Variants in SDR42E2 observed in about 807,000 individuals in gnomAD.
The protein encoded by SDR42E2 is short chain dehydrogenase/reductase family 42E, member 2.
Under a neutral mutation model 10.5 loss-of-function variants are expected in SDR42E2, and 20 were observed. That is an observed-to-expected ratio of 1.90 (90% CI 1.34 to 2.77). The LOEUF (loss-of-function observed/expected upper bound fraction) is 2.77. SDR42E2 is among the 30% of genes most tolerant of loss of function. The pLI is 0.00. For synonymous variants in SDR42E2, 72 were observed against 39.2 expected, an observed-to-expected ratio of 1.84 and a Z score of -3.12; for missense variants, 162 against 104.2, an observed-to-expected ratio of 1.55 and a Z score of -2.42.
At chr16:22,170,509 G>C (rs537797297) in intron 5 of SDR42E2, among the ~76,000 whole-genome samples, 1 of 152,162 alleles carries the variant, frequency 6.6e-6, no homozygotes, top group African/African-American at 2.4e-5. Flanking sequence ...TCCATCCAGT[G>C]AGACCTTCTT....
chr16:22,162,734 AC>A (rs1214623150), intron 1 of SDR42E2, among the ~76,000 whole-genome samples, 170 bp downstream of exon 1: 1 of 152,032 alleles, frequency 6.6e-6, no homozygotes, highest in East Asian at 1.9e-4. Flanking sequence ...CTTCCACCAA[AC>A]CCGCTTTTGG....
In SDR42E2 at chr16:22,190,235, G is replaced by A. The variant is rs2046762819; in HGVS notation, c.1111G>A (p.Glu371Lys). ...PDKFRFADAV[E>K]LYVQSTTRRP... ...TAAGTTTAGGTTCGCCGACGCCGTG[G>A]AGCTATACGTGCAGTCCACGACCCG... Residue 371 changes from glutamate to lysine, a missense_variant, in exon 13 of 13, where the codon GAG becomes AAG. Coordinates refer to ENST00000602312, the MANE Select transcript of SDR42E2 (RefSeq NM_001394319.2). 1 of 401,170 alleles carries A rather than the reference G, an allele frequency of 2.5e-6. No individual in the cohort carries two copies. 24.9% of individuals were successfully genotyped at this position (401,170 alleles called of 1,614,324 possible). A position where few individuals can be genotyped will look rare whatever the true frequency, so the allele number is the denominator to read the frequency against.
chr16:22,186,521 T>C (rs1255530312), intron 11 of SDR42E2, among the ~76,000 whole-genome samples, 200 bp from the exon 12 acceptor site: 1 of 152,210 alleles, frequency 6.6e-6, no homozygotes, highest in Non-Finnish European at 1.5e-5. Flanking sequence ...CATTTAATAT[T>C]AAAAACAAGT....
intron 12 of SDR42E2, among the ~76,000 whole-genome samples, chr16:22,189,299 T>C (rs2046755008): frequency 6.6e-6 from 1 of 151,972 alleles, no homozygotes. Context: ...GAGGAAGAAA[T>C]GAGTCAGGTG....
rs181868292 is a variant in SDR42E2, at chr16:22,166,381, C to A, written c.187C>A (p.Leu63Ile). 3.7e-5 allele frequency: 15 copies of A among 402,864 alleles called. No individual in the cohort carries two copies. The Admixed American group carries it at 6.6e-4, about 18-fold the overall frequency. The allele number at this position is 402,864 out of a possible 1,614,324, so 25.0% of individuals were successfully genotyped here. A position where few individuals can be genotyped will look rare whatever the true frequency, so the allele number is the denominator to read the frequency against. The change falls in exon 3 of 13, where the codon CTT becomes ATT. Residue 63 changes from leucine (L) to isoleucine (I), a missense_variant. Transcript: ENST00000602312. ...LAKSGTSVILLDRRRPQWELS... is the reference protein window; with the variant it reads ...LAKSGTSVILIDRRRPQWELS... ...CAAGAGCGGCACTTCCGTCATTCTG[C>A]TTGACCGCCGCAGACCCCAGTGGGA...
chr16:22,190,463 T>A lies in SDR42E2; in HGVS notation c.*70T>A, dbSNP rs1036706470. On this transcript the variant is annotated 3_prime_UTR_variant, in exon 13 of 13. Coordinates refer to ENST00000602312, the MANE Select transcript of SDR42E2 (RefSeq NM_001394319.2). ...TCGCCCACGCCCGGCTCCCTGGGCT[T>A]GTACCAGCCCCTGCCCCGCCTTCTG... is the stretch of plus-strand genomic sequence containing the variant. 7 of 400,366 alleles carry A rather than the reference T, an allele frequency of 1.7e-5. No individual in the cohort carries two copies. The highest frequency in any genetic ancestry group is 1.4e-4 in the African/African-American group (7 of 48,710). 24.8% of individuals were successfully genotyped at this position (400,366 alleles called of 1,614,324 possible).
At chr16:22,177,705 G>A (rs939840579) in intron 7 of SDR42E2, among the ~76,000 whole-genome samples, 3 of 152,112 alleles carry the variant, frequency 2.0e-5, no homozygotes, top group Admixed American at 6.6e-5. Flanking sequence ...ATGGGCATGA[G>A]GGCATGTGCA....
intron 7 of SDR42E2, among the ~76,000 whole-genome samples, chr16:22,173,905 G>GTATATATATATATATATATATATATATA (rs770541596): frequency 9.6e-5 from 11 of 115,006 alleles, no homozygotes; most frequent in Non-Finnish European, 1.4e-4. Flanking sequence ...ATGTGTGTGT[G>GTATATATATATATATATATATATATATA]TATATATATA....
Position 22,173,907 on chromosome 16 carries a change from A to G in SDR42E2, c.589+1576A>G, listed in dbSNP as rs753778699. Reference sequence around the variant, plus strand: ...GCTACGTATATATATGTGTGTGTGTATATATATATATATATATATATAGCT... The same window carrying G: ...GCTACGTATATATATGTGTGTGTGTGTATATATATATATATATATATAGCT... On this transcript the variant is annotated intron_variant, in intron 7 of 12. Coordinates refer to ENST00000602312, the MANE Select transcript of SDR42E2 (RefSeq NM_001394319.2). 1.3e-3 allele frequency among the ~76,000 whole-genome samples: 168 copies of G among 133,358 alleles called. 4 individuals carry two copies. Among genetic ancestry groups the G allele is most frequent in the Non-Finnish European group, 2.2e-3 (129 of 59,888 alleles). 87.5% of individuals were successfully genotyped at this position (133,358 alleles called of 152,430 possible). A position where few individuals can be genotyped will look rare whatever the true frequency, so the allele number is the denominator to read the frequency against.
At chr16:22,187,236 A>ATTCATATGCATATTCAT (rs2046742534) in intron 12 of SDR42E2, among the ~76,000 whole-genome samples, 2 of 152,154 alleles carry the variant, frequency 1.3e-5, no homozygotes. Context: ...AGTATATATT[A>ATTCATATGCATATTCAT]AGTACCTACT....
chr16:22,190,502 C>G lies in SDR42E2; in HGVS notation c.*109C>G. 1 of 399,736 alleles carries G rather than the reference C, an allele frequency of 2.5e-6. No homozygotes were observed. Among genetic ancestry groups the G allele is most frequent in the Non-Finnish European group, 4.4e-6 (1 of 226,688 alleles). The allele number at this position is 399,736 out of a possible 1,614,324, so 24.8% of individuals were successfully genotyped here. On this transcript the variant is annotated 3_prime_UTR_variant, in exon 13 of 13. Transcript: ENST00000602312. The stretch of plus-strand genomic sequence containing the variant: ...CCCCGCCTTCTGGGTTTGAGCGCGC[C>G]TCCGCTCCGCCCCTTGAATCCTGGT...
At chr16:22,164,797 T>C (rs2046521942) in intron 1 of SDR42E2, among the ~76,000 whole-genome samples, 1 of 152,042 alleles carries the variant, frequency 6.6e-6, no homozygotes, top group Non-Finnish European at 1.5e-5. Flanking sequence ...CCTCCTCCTC[T>C]TTCTCTTCCT....
chr16:22,162,836 G>A (rs1358259435), intron 1 of SDR42E2, among the ~76,000 whole-genome samples: 2 of 152,136 alleles, frequency 1.3e-5, no homozygotes, highest in African/African-American at 4.8e-5. Context: ...TCCACCTCTG[G>A]GTAATGGGAA....
rs373395945 is a variant in SDR42E2, at chr16:22,169,931, CT to C, written c.394+430del. ...CCTGCAGTCCCACCTACCTAGGAGGCTGAGGCAGGAGAATCGCTTGAATCTG... is the reference window on the plus strand; with the variant it reads ...CCTGCAGTCCCACCTACCTAGGAGGCGAGGCAGGAGAATCGCTTGAATCTG... On this transcript the variant is annotated intron_variant, in intron 5 of 12. Transcript: ENST00000602312. Among the ~76,000 whole-genome samples, 439 of 152,206 alleles carry C rather than the reference CT, an allele frequency of 2.9e-3. 20 individuals carry two copies. The South Asian group carries it at 0.083, about 29-fold the overall frequency.
At chr16:22,164,311 C>A (rs1415155431) in intron 1 of SDR42E2, among the ~76,000 whole-genome samples, 1 of 152,118 alleles carries the variant, frequency 6.6e-6, no homozygotes, top group African/African-American at 2.4e-5. Flanking sequence ...GTAATCCCAG[C>A]ACTTTGGGAG....
chr16:22,174,944 C>A (rs979353555), intron 7 of SDR42E2, among the ~76,000 whole-genome samples: 8 of 152,160 alleles, frequency 5.3e-5, no homozygotes, highest in African/African-American at 1.9e-4. Context: ...AGTCCCGCTG[C>A]AGTCACCTGG....
intron 7 of SDR42E2, among the ~76,000 whole-genome samples, chr16:22,172,683 G>A (rs563723636): frequency 8.5e-5 from 13 of 152,342 alleles, no homozygotes; most frequent in African/African-American, 2.6e-4. Context: ...AATTATGAGT[G>A]TGGAATGAGA....
intron 1 of SDR42E2, among the ~76,000 whole-genome samples, chr16:22,164,814 C>G (rs2046522033): frequency 6.6e-6 from 1 of 152,110 alleles, no homozygotes; most frequent in Non-Finnish European, 1.5e-5. Flanking sequence ...TCCTCCTCTT[C>G]CAGAAGGCTC....
intron 5 of SDR42E2, among the ~76,000 whole-genome samples, chr16:22,170,512 A>T (rs996802685): frequency 5.3e-5 from 8 of 151,988 alleles, no homozygotes; most frequent in Non-Finnish European, 1.5e-5. Context: ...ATCCAGTGAG[A>T]CCTTCTTCTG....
Sources: gnomAD v4.1 joint callset for allele counts (sites outside exome capture counted in the v4.1 genomes callset) on GRCh38, gnomAD v4.1.1 for gene constraint, MANE v1.5 for transcripts, NCBI Gene and HGNC (gene_info 2026-07-23, HGNC 2026-07-21) for gene names.